SECISBP2L: variants seen among roughly 807,000 people sequenced by gnomAD.
SECISBP2L encodes the protein selenocysteine insertion sequence-binding protein 2-like.
In SECISBP2L, 43 loss-of-function variants were observed where a neutral mutation model predicts 114.7. The ratio of observed to expected loss-of-function variants is 0.38; its 90% CI spans 0.29 to 0.48. SECISBP2L has a LOEUF of 0.48. SECISBP2L is among the 20% of genes least tolerant of loss of function. The pLI is 0.98. For missense variants in SECISBP2L, 1,136 were observed against 1,301.1 expected (o/e 0.87, Z 1.95); for synonymous variants, 451 against 439.7 (o/e 1.03, Z -0.32).
intron 8 of SECISBP2L, among the ~76,000 whole-genome samples, chr15:49,018,871 A>G (rs1185822481): frequency 2.0e-5 from 3 of 152,188 alleles, no homozygotes; most frequent in African/African-American, 7.2e-5. Flanking sequence ...ACTTTCCCAA[A>G]GATAGCAGGT....
chr15:49,003,403 C>T (rs1031229697), intron 14 of SECISBP2L, among the ~76,000 whole-genome samples: 1 of 152,178 alleles, frequency 6.6e-6, no homozygotes, highest in Non-Finnish European at 1.5e-5. Flanking sequence ...ATTTGACTTC[C>T]TCTCTTTCTA....
chr15:49,014,230 T>C (rs987135383), intron 11 of SECISBP2L, among the ~76,000 whole-genome samples: 1 of 152,212 alleles, frequency 6.6e-6, no homozygotes, highest in African/African-American at 2.4e-5. Flanking sequence ...ATTCTATCCT[T>C]GCCTTCTGTA....
At position 49,006,754 on chromosome 15, in the gene SECISBP2L, G is replaced by A. The variant is rs886917988; in HGVS notation, c.2027+2462C>T. 2.0e-5 allele frequency among the ~76,000 whole-genome samples: 3 copies of A among 151,968 alleles called. No homozygotes were observed. The East Asian group carries it at 5.8e-4, about 29-fold the overall frequency. ...GAATTAGAACATACTCCTTTAGCTC[G>A]GAGGAGTTTGTTATTACCCACCTTC... is the stretch of plus-strand genomic sequence containing the variant. On this transcript the variant is annotated intron_variant, in intron 14 of 17. Transcript: ENST00000559471.
At chr15:49,034,332 G>A (rs1385213230) in intron 3 of SECISBP2L, among the ~76,000 whole-genome samples, 2 of 151,746 alleles carry the variant, frequency 1.3e-5, no homozygotes, top group Non-Finnish European at 2.9e-5. Flanking sequence ...TTGACAATAA[G>A]GCTTCAACTG....
chr15:48,992,639 G>C lies in SECISBP2L; in HGVS notation c.2911C>G (p.Leu971Val). 1 of 1,614,152 alleles carries C rather than the reference G, an allele frequency of 6.2e-7. No individual in the cohort carries two copies. The highest frequency in any genetic ancestry group is 1.6e-4 in the Middle Eastern group (1 of 6,062). The change falls in exon 18 of 18, where the codon CTT becomes GTT. Residue 971 changes from leucine (L) to valine (V), a missense_variant. Physicochemically the swap from Leu to Val is conservative, Grantham distance 32 (BLOSUM62 1). This residue lies in a region of SECISBP2L where 684 missense variants were observed against 848.7 expected (regional missense o/e 0.81). Transcript: ENST00000559471. The part of the protein sequence containing the change: ...TGSLDGSCRD[L>V]LNSSITSTTS... ...GTGCTGGTGATGGAGGAATTCAAAA[G>C]ATCTCGGCAACTGCCATCCAAAGAG...
At chr15:49,030,435 C>T (rs1286204033) in intron 4 of SECISBP2L, among the ~76,000 whole-genome samples, 3 of 152,164 alleles carry the variant, frequency 2.0e-5, no homozygotes, top group East Asian at 3.9e-4. Flanking sequence ...CCCATATTCC[C>T]GCAAAATTGT....
At position 48,992,301 on chromosome 15, in the gene SECISBP2L, G is replaced by C. The variant is rs781612493; in HGVS notation, c.3249C>G (p.Asn1083Lys). 3.1e-6 allele frequency: 5 copies of C among 1,613,594 alleles called. 1 individual carries two copies. In the South Asian group the frequency reaches 3.3e-5, roughly 11 times the overall value. The change falls in exon 18 of 18, where the codon AAC becomes AAG. Residue 1083 changes from asparagine to lysine, a missense_variant. Physicochemically the swap from Asn to Lys is moderately conservative, Grantham distance 94 (BLOSUM62 0). This residue lies in a region of SECISBP2L where 684 missense variants were observed against 848.7 expected (regional missense o/e 0.81). Coordinates refer to ENST00000559471, the MANE Select transcript of SECISBP2L (RefSeq NM_001193489.2). ...AGTGCTCTTTGTTGAGCGAGCTGCA[G>C]TTGCTGGACTTCTGCTGCCCAGGAC... is the stretch of plus-strand genomic sequence containing the variant. ...QASPGQQKSS[N>K]CSSLNKEHSD...
chr15:49,042,108 C>A (rs529027009), intron 1 of SECISBP2L, among the ~76,000 whole-genome samples: 1 of 152,102 alleles, frequency 6.6e-6, no homozygotes, highest in Non-Finnish European at 1.5e-5. Flanking sequence ...TTTTAAAAAA[C>A]CAGCTTTCTA....
intron 15 of SECISBP2L, 71 bp from the exon 16 acceptor site, chr15:49,000,058 A>T: frequency 1.3e-6 from 2 of 1,520,754 alleles, no homozygotes; most frequent in African/African-American, 1.4e-5. Context: ...CCCGATAGCT[A>T]AAGCATAAAA....
At chr15:49,046,211 C>G in intron 1 of SECISBP2L, 65 bp downstream of exon 1, 2 of 1,545,152 alleles carry the variant, frequency 1.3e-6, no homozygotes, top group Non-Finnish European at 1.7e-6. Context: ...GAGAACTGGG[C>G]CTGGCCTGTG....
intron 14 of SECISBP2L, among the ~76,000 whole-genome samples, chr15:49,002,381 T>G (rs1053051314): frequency 6.6e-6 from 1 of 152,190 alleles, no homozygotes; most frequent in Admixed American, 6.5e-5. Context: ...TTGCAAAAAC[T>G]TTCTCCCATC....
At chr15:49,009,705 T>A (rs1902398325) in intron 13 of SECISBP2L, among the ~76,000 whole-genome samples, 2 of 151,620 alleles carry the variant, frequency 1.3e-5, no homozygotes, top group African/African-American at 4.8e-5. Context: ...GAGACTTCCA[T>A]CTCTTTAAAA....
At chr15:49,026,331 A>G (rs570547588) in intron 7 of SECISBP2L, among the ~76,000 whole-genome samples, 1 of 152,336 alleles carries the variant, frequency 6.6e-6, no homozygotes, top group East Asian at 1.9e-4. Flanking sequence ...ACTACAGTTA[A>G]CAATAATTTA....
At chr15:49,027,314 A>C in intron 7 of SECISBP2L, 51 bp downstream of exon 7, 1 of 1,326,348 alleles carries the variant, frequency 7.5e-7, no homozygotes, top group South Asian at 1.3e-5. Context: ...AACAAATCTA[A>C]AATGACTCAT....
At chr15:49,022,350 A>G (rs1043565172) in intron 7 of SECISBP2L, among the ~76,000 whole-genome samples, 1 of 152,234 alleles carries the variant, frequency 6.6e-6, no homozygotes, top group African/African-American at 2.4e-5. Flanking sequence ...CTGTAATCCC[A>G]GCACTTTGGG....
Position 49,016,841 on chromosome 15 carries a change from T to C in SECISBP2L, c.1419+7A>G, listed in dbSNP as rs1902546733. 6.2e-7 allele frequency: 1 copy of C among 1,610,378 alleles called. No homozygotes were observed. On this transcript the variant is annotated splice_region_variant and intron_variant, in intron 10 of 17. Coordinates refer to ENST00000559471, the MANE Select transcript of SECISBP2L (RefSeq NM_001193489.2). ...TATCACATTTGTTCATAAAAATGAA[T>C]ATGTACCTGTAATTTTTTTTGCTCC...
At chr15:49,029,617 TAC>T (rs1176369176) in intron 4 of SECISBP2L, among the ~76,000 whole-genome samples, 1 of 152,174 alleles carries the variant, frequency 6.6e-6, no homozygotes, top group African/African-American at 2.4e-5. Context: ...TTGACATTGA[TAC>T]ACAGACACAT....
intron 14 of SECISBP2L, among the ~76,000 whole-genome samples, chr15:49,004,667 C>A (rs768871484): frequency 6.6e-6 from 1 of 152,136 alleles, no homozygotes; most frequent in South Asian, 2.1e-4. Flanking sequence ...ACTTATTTAT[C>A]TCTGCCTTAA....
chr15:49,024,202 A>C (rs901338797), intron 7 of SECISBP2L, among the ~76,000 whole-genome samples: 2 of 152,204 alleles, frequency 1.3e-5, no homozygotes, highest in East Asian at 3.9e-4. Context: ...AAAATAACAT[A>C]TAAGAAATCA....
Sources: gnomAD v4.1 joint callset for allele counts (sites outside exome capture counted in the v4.1 genomes callset) on GRCh38, gnomAD v4.1.1 for gene constraint, gnomAD v4.1.1 regional missense constraint, MANE v1.5 for transcripts, NCBI Gene and HGNC (gene_info 2026-07-23, HGNC 2026-07-21) for gene names.